MAP2K4: variants seen among roughly 807,000 people sequenced by gnomAD.
The protein encoded by MAP2K4 is mitogen-activated protein kinase kinase 4, also known as dual specificity mitogen-activated protein kinase kinase 4.
A neutral mutation model predicts 48.5 loss-of-function variants in MAP2K4; 4 were observed. That is an observed-to-expected ratio of 0.08 (90% CI 0.04 to 0.19). The LOEUF (loss-of-function observed/expected upper bound fraction) is 0.19, where lower values mean the gene tolerates loss of function less well. MAP2K4 is among the 10% of genes least tolerant of loss of function. The pLI is 1.00. For synonymous variants in MAP2K4, 166 were observed against 173.1 expected, an observed-to-expected ratio of 0.96 and a Z score of 0.32; for missense variants, 258 against 493.3, an observed-to-expected ratio of 0.52 and a Z score of 4.52.
chr17:12,043,462 A>G (rs1969859950), intron 1 of MAP2K4, among the ~76,000 whole-genome samples: 1 of 152,116 alleles, frequency 6.6e-6, no homozygotes, highest in Non-Finnish European at 1.5e-5. Context: ...CAGTGCTTCA[A>G]GATTCTCCTC....
chr17:12,128,218 C>T (rs1003003825), intron 8 of MAP2K4, among the ~76,000 whole-genome samples: 34 of 152,134 alleles, frequency 2.2e-4, no homozygotes, highest in African/African-American at 8.0e-4. Context: ...GCTGGGACTA[C>T]AGGCGCCTGC....
intron 9 of MAP2K4, 126 bp from the exon 10 acceptor site, chr17:12,139,713 C>CTT (rs2096674486): frequency 3.2e-6 from 2 of 617,554 alleles, no homozygotes; most frequent in African/African-American, 1.9e-5. Context: ...AGCAGGCTGT[C>CTT]TGCGTTGTTA....
chr17:12,035,209 TCA>T, intron 1 of MAP2K4, among the ~76,000 whole-genome samples: 1 of 152,322 alleles, frequency 6.6e-6, no homozygotes, highest in South Asian at 2.1e-4. Context: ...GTAAAAGTGG[TCA>T]CACTTTTCTT....
chr17:12,101,207 T>C (rs1393235878), intron 4 of MAP2K4, among the ~76,000 whole-genome samples: 1 of 152,156 alleles, frequency 6.6e-6, no homozygotes, highest in Admixed American at 6.5e-5. Flanking sequence ...TTTATACTTA[T>C]CCATTTGGAG....
rs577941438 is a variant in MAP2K4 at position 12,081,953 on chromosome 17, A to T, written c.393+423A>T. ...GCAGTCTTACTGAAGGTTTCCTGGA[A>T]ACCACGCACATGCTGTTGCCACTAA... On this transcript the variant is annotated intron_variant, in intron 3 of 10. Coordinates refer to ENST00000353533, the MANE Select transcript of MAP2K4 (RefSeq NM_003010.4). The surrounding 1 kb of genome is among the most constrained non-coding windows in gnomAD (Gnocchi z 4.2). The T allele has an allele frequency of 1.1e-5, 6 of 534,002 alleles. No individual in the cohort carries two copies. Among genetic ancestry groups the T allele is most frequent in the Admixed American group, 1.9e-5 (1 of 51,382 alleles). The allele number at this position is 534,002 out of a possible 1,614,324, so 33.1% of individuals were successfully genotyped here. A position where few individuals can be genotyped will look rare whatever the true frequency, so the allele number is the denominator to read the frequency against.
chr17:12,074,259 C>T (rs981798414), intron 2 of MAP2K4, among the ~76,000 whole-genome samples: 2 of 152,108 alleles, frequency 1.3e-5, no homozygotes, highest in Admixed American at 6.5e-5. Context: ...TTTTTCTCTT[C>T]ACTATGGGTC....
chr17:12,098,193 A>G (rs1364931988), intron 4 of MAP2K4, among the ~76,000 whole-genome samples: 1 of 152,174 alleles, frequency 6.6e-6, no homozygotes, highest in Non-Finnish European at 1.5e-5. Flanking sequence ...TAAAAATATT[A>G]AAATGGCCGG....
chr17:12,086,158 C>G (rs1971354337), intron 3 of MAP2K4, among the ~76,000 whole-genome samples: 1 of 152,150 alleles, frequency 6.6e-6, no homozygotes, highest in African/African-American at 2.4e-5. Flanking sequence ...ATCCAAATCA[C>G]CTATGGGATG....
In MAP2K4 at chr17:12,076,620, C is replaced by T. The variant is rs73977815; in HGVS notation, c.219-4736C>T. 6.5e-3 allele frequency among the ~76,000 whole-genome samples: 984 copies of T among 152,000 alleles called. 14 individuals are homozygous for T. Among genetic ancestry groups the T allele is most frequent in the African/African-American group, 0.023 (952 of 41,426 alleles). On this transcript the variant is annotated intron_variant, in intron 2 of 10. Transcript: ENST00000353533. The stretch of plus-strand genomic sequence containing the variant: ...AGGCCTGTATTATATGAATTCATGC[C>T]CTATATTAAGTATTCTATCTATAAT...
chr17:12,082,403 T>C (rs1436962279), intron 3 of MAP2K4, among the ~76,000 whole-genome samples: 1 of 152,184 alleles, frequency 6.6e-6, no homozygotes, highest in African/African-American at 2.4e-5. Context: ...AGCTTAAAAT[T>C]CCTATGGGAA....
intron 6 of MAP2K4, among the ~76,000 whole-genome samples, chr17:12,111,289 C>A (rs1039946253): frequency 6.6e-6 from 1 of 152,116 alleles, no homozygotes; most frequent in Non-Finnish European, 1.5e-5. Context: ...TATTTAAGTT[C>A]TTTTGTTTGT....
At chr17:12,036,669 A>G (rs552837987) in intron 1 of MAP2K4, 1 of 151,800 alleles carries the variant, frequency 6.6e-6, no homozygotes, top group Middle Eastern at 3.4e-3. Flanking sequence ...AAATGCTTTT[A>G]TGAAGTTGAA....
At chr17:12,079,657 C>T (rs1971128224) in intron 2 of MAP2K4, among the ~76,000 whole-genome samples, 1 of 152,138 alleles carries the variant, frequency 6.6e-6, no homozygotes, top group Non-Finnish European at 1.5e-5. Context: ...CAGCTTCCCT[C>T]AGTGGTAGAT....
chr17:12,110,538 ATTTTTAGC>A, intron 6 of MAP2K4, 112 bp downstream of exon 6: 3 of 758,974 alleles, frequency 4.0e-6, no homozygotes, highest in Admixed American at 2.8e-5. Flanking sequence ...AAATATTTGT[ATTTTTAGC>A]AAAAAATGCT....
rs1425137054 is a variant in MAP2K4, at chr17:12,108,000, AC to A, written c.633+92del. ...GAATGCACATATTTGAGTGTCACTC[AC>A]AGTACCTTCCTGAAAATAATTCATA... On this transcript the variant is annotated intron_variant, in intron 5 of 10. Transcript: ENST00000353533. 4 of 1,152,780 alleles carry A rather than the reference AC, an allele frequency of 3.5e-6. No homozygotes were observed. In the African/African-American group the frequency reaches 6.4e-5, roughly 18 times the overall value. The allele number at this position is 1,152,780 out of a possible 1,614,324, so 71.4% of individuals were successfully genotyped here.
At chr17:12,049,997 T>TA (rs1970083688) in intron 1 of MAP2K4, among the ~76,000 whole-genome samples, 1 of 152,228 alleles carries the variant, frequency 6.6e-6, no homozygotes, top group Non-Finnish European at 1.5e-5. Flanking sequence ...ACTTTGCTGT[T>TA]ACTACAACAG....
intron 1 of MAP2K4, among the ~76,000 whole-genome samples, chr17:12,045,884 T>C (rs897969544): frequency 6.6e-6 from 1 of 152,230 alleles, no homozygotes; most frequent in Admixed American, 6.5e-5. Flanking sequence ...AAAACACAAA[T>C]GCCCTTTGGA....
rs536092166 is a variant in MAP2K4, at chr17:12,090,433, A to G, written c.394-5142A>G. Among the ~76,000 whole-genome samples, 8 of 152,322 alleles carry G rather than the reference A, an allele frequency of 5.3e-5. No individual in the cohort carries two copies. In the East Asian group the frequency reaches 7.7e-4, roughly 15 times the overall value. On this transcript the variant is annotated intron_variant, in intron 3 of 10. Coordinates refer to ENST00000353533, the MANE Select transcript of MAP2K4 (RefSeq NM_003010.4). ...ATCAGGGTGACTGGCAAGGACCACT[A>G]TCAGAATCAGCCAGGTATTTATTGA...
intron 3 of MAP2K4, among the ~76,000 whole-genome samples, chr17:12,082,625 G>A (rs1381577270): frequency 6.6e-6 from 1 of 152,154 alleles, no homozygotes; most frequent in East Asian, 1.9e-4. Flanking sequence ...AACTATTTTA[G>A]TATCCTTCAC....
Sources: gnomAD v4.1 joint callset for allele counts (sites outside exome capture counted in the v4.1 genomes callset) on GRCh38, gnomAD v4.1.1 for gene constraint, Gnocchi (gnomAD v3.1) non-coding constraint, MANE v1.5 for transcripts, NCBI Gene and HGNC (gene_info 2026-07-23, HGNC 2026-07-21) for gene names.